Variants in MYO5A observed in about 807,000 individuals in gnomAD.
The protein encoded by MYO5A is myosin VA.
In MYO5A, 98 loss-of-function variants were observed where a neutral mutation model predicts 249.7. The observed-to-expected ratio is 0.39, with a 90% CI of 0.33 to 0.46. The LOEUF (loss-of-function observed/expected upper bound fraction) is 0.46, where lower values mean the gene tolerates loss of function less well. Ranked by LOEUF, MYO5A falls within the 20% of genes least tolerant of loss-of-function variation. The probability of loss-of-function intolerance (pLI) is 0.98; values close to 1 mark genes in which losing one functional copy is unlikely to be tolerated. For synonymous variants in MYO5A, 778 were observed against 810.6 expected (o/e 0.96, Z 0.68); for missense variants, 1,696 against 2,308.8 (o/e 0.73, Z 5.44).
intron 36 of MYO5A, chr15:52,323,905 G>C (rs953769526): frequency 4.9e-6 from 1 of 203,450 alleles, no homozygotes; most frequent in Non-Finnish European, 9.9e-6. Context: ...TTGGGATGCT[G>C]AGGTAGGAGA....
At position 52,397,315 on chromosome 15, in the gene MYO5A, G is replaced by C; in HGVS notation, c.1205C>G (p.Ala402Gly). Reference sequence around the variant, plus strand: ...CTTGGCATAGATGTGCTTGGCCAAAGCATCGCGGGCATTCGTGGCCTGCAG... The same window carrying C: ...CTTGGCATAGATGTGCTTGGCCAAACCATCGCGGGCATTCGTGGCCTGCAG... ...SKLQATNARD[A>G]LAKHIYAKLF... is the part of the protein sequence containing the mutation. The change falls in exon 10 of 42, where the codon GCT becomes GGT. Residue 402 changes from alanine to glycine, a missense_variant. Transcript: ENST00000399233. The C allele has an allele frequency of 3.1e-6, 5 of 1,614,152 alleles. No individual in the cohort carries two copies. The highest frequency in any genetic ancestry group is 4.2e-6 in the Non-Finnish European group (5 of 1,180,020).
At chr15:52,319,494 G>A (rs916964878) in intron 38 of MYO5A, 152 bp from the exon 39 acceptor site, 9 of 828,074 alleles carry the variant, frequency 1.1e-5, no homozygotes, top group South Asian at 3.0e-5. Context: ...TTGGGAGGCC[G>A]CCGAGGTGGG....
At chr15:52,316,963 G>T in intron 40 of MYO5A, 85 bp downstream of exon 40, 1 of 1,394,476 alleles carries the variant, frequency 7.2e-7, no homozygotes, top group Non-Finnish European at 1.0e-6. Flanking sequence ...AGAGATACAA[G>T]CAATAAGTAG....
intron 1 of MYO5A, among the ~76,000 whole-genome samples, chr15:52,455,050 A>G (rs2141386180): frequency 6.6e-6 from 1 of 152,118 alleles, no homozygotes; most frequent in Admixed American, 6.5e-5. Context: ...TTACTGTTTG[A>G]AAATATTGAC....
chr15:52,453,933 G>A (rs1456469254), intron 1 of MYO5A, among the ~76,000 whole-genome samples: 2 of 152,042 alleles, frequency 1.3e-5, no homozygotes, highest in Admixed American at 6.6e-5. Context: ...CCACAAAGGA[G>A]GATAGTATGA....
intron 29 of MYO5A, 25 bp downstream of exon 29, chr15:52,348,793 T>A (rs1343890608): frequency 1.4e-5 from 17 of 1,236,614 alleles, no homozygotes; most frequent in African/African-American, 4.6e-5. Flanking sequence ...AAGTATTTAC[T>A]AAAAAAAAAA....
At chr15:52,448,957 C>CTTTTTTTTTTTTT (rs145765339) in intron 1 of MYO5A, among the ~76,000 whole-genome samples, 37 of 55,596 alleles carry the variant, frequency 6.7e-4, no homozygotes, top group Non-Finnish European at 8.8e-4. Flanking sequence ...TCTTGTCTTT[C>CTTTTTTTTTTTTT]TTTTTTTTTT....
In MYO5A at chr15:52,378,185, T is replaced by A. The variant is rs190957944; in HGVS notation, c.2208+1440A>T. 3.3e-5 allele frequency among the ~76,000 whole-genome samples: 5 copies of A among 152,088 alleles called. 1 individual carries two copies. The East Asian group carries it at 9.7e-4, about 30-fold the overall frequency. The stretch of plus-strand genomic sequence containing the variant: ...GGTGAGAGGACCAGGAATAGGCCTG[T>A]TCCTACTTTCTGCTCTACATTCCCA... On this transcript the variant is annotated intron_variant, in intron 18 of 41. Transcript: ENST00000399233.
At chr15:52,322,774 TTTAGAG>T (rs1168951878) in intron 37 of MYO5A, among the ~76,000 whole-genome samples, 1 of 152,080 alleles carries the variant, frequency 6.6e-6, no homozygotes, top group Non-Finnish European at 1.5e-5. Context: ...CCTTTTTTTT[TTTAGAG>T]TTAAAGGATT....
intron 15 of MYO5A, 40 bp from the exon 16 acceptor site, chr15:52,383,228 C>T: frequency 4.0e-6 from 6 of 1,504,380 alleles, no homozygotes; most frequent in East Asian, 4.5e-5. Context: ...AAGGCTTTGT[C>T]CAAAGTCAAA....
chr15:52,334,627 G>A (rs997301092), intron 34 of MYO5A, among the ~76,000 whole-genome samples: 1 of 152,142 alleles, frequency 6.6e-6, no homozygotes, highest in African/African-American at 2.4e-5. Flanking sequence ...AAATGTCCAT[G>A]TTGCCATGTT....
chr15:52,527,038 A>AC (rs1434694097), intron 1 of MYO5A, among the ~76,000 whole-genome samples: 1 of 152,182 alleles, frequency 6.6e-6, no homozygotes, highest in African/African-American at 2.4e-5. Flanking sequence ...TGCAAAAAAA[A>AC]CACAACAACC....
At chr15:52,460,762 C>G (rs936847327) in intron 1 of MYO5A, among the ~76,000 whole-genome samples, 1 of 151,990 alleles carries the variant, frequency 6.6e-6, no homozygotes, top group African/African-American at 2.4e-5. Context: ...TTTCTCCCCC[C>G]ACCCCAAAAC....
At chr15:52,415,220 A>T (rs974061422) in intron 5 of MYO5A, among the ~76,000 whole-genome samples, 16 of 152,336 alleles carry the variant, frequency 1.1e-4, no homozygotes, top group East Asian at 1.9e-4. Flanking sequence ...AAGGAAAAAG[A>T]CAGGAATAAA....
rs561257511 is a variant in MYO5A at position 52,413,725 on chromosome 15, A to G, written c.612+2420T>C. On this transcript the variant is annotated intron_variant, in intron 5 of 41. Coordinates refer to ENST00000399233, the MANE Select transcript of MYO5A (RefSeq NM_001382347.1). ...CTCCATATCACATTTCCAACTTTCA[A>G]ATTGAGATGCCCTTTTTTGTAGTTA... Among the ~76,000 whole-genome samples, 4 of 152,264 alleles carry G rather than the reference A, an allele frequency of 2.6e-5. No individual in the cohort carries two copies. In the East Asian group the frequency reaches 7.7e-4, roughly 29 times the overall value.
chr15:52,433,277 C>A lies in MYO5A; in HGVS notation c.36G>T (p.Arg12Ser). The change falls in exon 2 of 42, where the codon AGG becomes AGT. Residue 12 changes from arginine (R) to serine (S), a missense_variant. By Grantham distance (110) the Arg-to-Ser change is moderately radical. Transcript: ENST00000399233. ...CTTCCTCTGGATCAGGTATCCAAACCCTGGCAAACTAGAAGACAAAAAGAA... is the reference window on the plus strand; with the variant it reads ...CTTCCTCTGGATCAGGTATCCAAACACTGGCAAACTAGAAGACAAAAAGAA... ...AASELYTKFA[R>S]VWIPDPEEVW... 3 of 1,612,132 alleles carry A rather than the reference C, an allele frequency of 1.9e-6. No individual in the cohort carries two copies. Among genetic ancestry groups the A allele is most frequent in the Non-Finnish European group, 2.5e-6 (3 of 1,178,550 alleles).
At position 52,308,415 on chromosome 15, in the gene MYO5A, A is replaced by T. The variant is rs187550793; in HGVS notation, c.*5281T>A. 22 of 152,350 alleles carry T rather than the reference A, an allele frequency of 1.4e-4. No homozygotes were observed. The highest frequency in any genetic ancestry group is 4.8e-4 in the African/African-American group (20 of 41,584). 9.4% of individuals were successfully genotyped at this position (152,350 alleles called of 1,614,324 possible). A position where few individuals can be genotyped will look rare whatever the true frequency, so the allele number is the denominator to read the frequency against. On this transcript the variant is annotated 3_prime_UTR_variant, in exon 42 of 42. Coordinates refer to ENST00000399233, the MANE Select transcript of MYO5A (RefSeq NM_001382347.1). Reference sequence around the variant, plus strand: ...TTTTATAGTACAGGGTTCTTAAAAAATTTTGAAAAGAATGTCCACAAAAAG... The same window carrying T: ...TTTTATAGTACAGGGTTCTTAAAAATTTTTGAAAAGAATGTCCACAAAAAG...
intron 36 of MYO5A, 147 bp downstream of exon 36, chr15:52,327,705 G>A (rs886374523): frequency 2.3e-6 from 2 of 851,386 alleles, no homozygotes; most frequent in Middle Eastern, 3.3e-4. Flanking sequence ...GCAAAACCCT[G>A]TCTCAAAATA....
chr15:52,426,061 T>A (rs1329126773), intron 3 of MYO5A, 87 bp from the exon 4 acceptor site: 3 of 1,125,986 alleles, frequency 2.7e-6, no homozygotes, highest in Non-Finnish European at 3.9e-6. Context: ...AGACTCACAG[T>A]TAACACAATC....
Sources: gnomAD v4.1 joint callset for allele counts (sites outside exome capture counted in the v4.1 genomes callset) on GRCh38, gnomAD v4.1.1 for gene constraint, MANE v1.5 for transcripts, NCBI Gene and HGNC (gene_info 2026-07-23, HGNC 2026-07-21) for gene names.